UGT3A2: variants seen among roughly 807,000 people sequenced by gnomAD.
UGT3A2 encodes UDP glycosyltransferase family 3 member A2, also known as UDP-glycosyltransferase 3A2.
In UGT3A2, 32 loss-of-function variants were observed where a neutral mutation model predicts 39.8. The observed-to-expected ratio is 0.80, with a 90% confidence interval of 0.61 to 1.08. The LOEUF is 1.08. Among genes scored for constraint, UGT3A2 ranks in the 50% least tolerant of loss-of-function variants. UGT3A2 has a pLI of 0.00. For missense variants in UGT3A2, 611 were observed against 637.1 expected (o/e 0.96, Z 0.44); for synonymous variants, 241 against 230.7 (o/e 1.04, Z -0.40).
At chr5:36,045,608 A>AAAAAGAAAAGAAAAAGAAAAG (rs1321406006) in intron 4 of UGT3A2, among the ~76,000 whole-genome samples, 1 of 151,144 alleles carries the variant, frequency 6.6e-6, no homozygotes, top group Non-Finnish European at 1.5e-5. Flanking sequence ...CTCAAAAAAA[A>AAAAAGAAAAGAAAAAGAAAAG]AAAAGAAAAG....
At chr5:36,044,630 A>T (rs1288410880) in intron 4 of UGT3A2, among the ~76,000 whole-genome samples, 1 of 152,226 alleles carries the variant, frequency 6.6e-6, no homozygotes, top group Non-Finnish European at 1.5e-5. Context: ...AAATTCAGTA[A>T]AGTTGCAGGA....
intron 2 of UGT3A2, among the ~76,000 whole-genome samples, chr5:36,060,858 G>A (rs1742672263): frequency 6.6e-6 from 1 of 152,068 alleles, no homozygotes; most frequent in Non-Finnish European, 1.5e-5. Context: ...GCCTCTAAAC[G>A]GTACATTGGA....
chr5:36,051,815 C>A, intron 3 of UGT3A2, 55 bp downstream of exon 3: 1 of 1,274,010 alleles, frequency 7.8e-7, no homozygotes, highest in Non-Finnish European at 1.1e-6. Flanking sequence ...TCCATCCATC[C>A]ATTTGTATTA....
At chr5:36,037,745 G>C in intron 6 of UGT3A2, 52 bp downstream of exon 6, 1 of 1,594,000 alleles carries the variant, frequency 6.3e-7, no homozygotes, top group Non-Finnish European at 8.6e-7. Flanking sequence ...AGTGCCCTTA[G>C]TGTTTTTGCC....
chr5:36,055,943 T>C (rs1378879462), intron 2 of UGT3A2, among the ~76,000 whole-genome samples: 2 of 152,210 alleles, frequency 1.3e-5, no homozygotes, highest in Non-Finnish European at 2.9e-5. Context: ...TATCTTGTCC[T>C]ATCCATCTTT....
At chr5:36,064,993 C>T (rs529296647) in intron 1 of UGT3A2, among the ~76,000 whole-genome samples, 4 of 152,218 alleles carry the variant, frequency 2.6e-5, no homozygotes, top group Admixed American at 6.5e-5. Context: ...AACTGTGGGG[C>T]GCTTGGGGTG....
chr5:36,035,949 TG>T lies in UGT3A2; in HGVS notation c.1320del (p.Ser441ValfsTer80). The T allele has an allele frequency of 6.2e-7, 1 of 1,613,244 alleles. No individual in the cohort carries two copies. The highest frequency in any genetic ancestry group is 8.5e-7 in the Non-Finnish European group (1 of 1,179,738). On this transcript the variant is annotated frameshift_variant, in exon 7 of 7. Coordinates refer to ENST00000282507, the MANE Select transcript of UGT3A2 (RefSeq NM_174914.4). LOFTEE classifies it low-confidence loss of function (END_TRUNC). The stretch of plus-strand genomic sequence containing the variant: ...AGCGGGTGGGAGCGCAGGATGACAC[TG>T]GCAGCCACTGCCGCGGACTTGTATC... ...DKRYKSAAVA[A>X]SVILRSHPLS...
intron 4 of UGT3A2, among the ~76,000 whole-genome samples, chr5:36,041,009 C>T (rs1441031857): frequency 6.6e-6 from 1 of 152,182 alleles, no homozygotes; most frequent in African/African-American, 2.4e-5. Context: ...CACATCTAGG[C>T]CTTAGCTCCT....
chr5:36,062,399 C>T (rs1742734857), intron 2 of UGT3A2, among the ~76,000 whole-genome samples: 1 of 150,614 alleles, frequency 6.6e-6, no homozygotes, highest in South Asian at 2.1e-4. Context: ...GTCTTTAATC[C>T]ATCTTGAATT....
intron 2 of UGT3A2, among the ~76,000 whole-genome samples, chr5:36,057,517 T>TTCTC (rs148807603): frequency 0.02 from 3,051 of 149,790 alleles, 58 homozygotes; most frequent in Non-Finnish European, 0.026. Flanking sequence ...TTTCAGTAGT[T>TTCTC]TCTCTCTCTC....
intron 2 of UGT3A2, among the ~76,000 whole-genome samples, chr5:36,063,830 G>A (rs1035160928): frequency 1.3e-5 from 2 of 152,114 alleles, no homozygotes; most frequent in Admixed American, 1.3e-4. Flanking sequence ...GAGACAGAGT[G>A]TCCCTATGTT....
chr5:36,045,069 C>T (rs1352019219), intron 4 of UGT3A2, among the ~76,000 whole-genome samples: 1 of 152,136 alleles, frequency 6.6e-6, no homozygotes, highest in East Asian at 1.9e-4. Flanking sequence ...AATCACATTA[C>T]CTGACTTCAA....
intron 2 of UGT3A2, among the ~76,000 whole-genome samples, chr5:36,059,785 T>A (rs1385235275): frequency 6.6e-6 from 1 of 152,234 alleles, no homozygotes; most frequent in Non-Finnish European, 1.5e-5. Context: ...AGCAACAGCA[T>A]GCCTCCTGGC....
chr5:36,051,917 T>C lies in UGT3A2; in HGVS notation c.264A>G (p.Glu88=), dbSNP rs779394371. The change falls in exon 3 of 7, where the codon GAA becomes GAG. Residue 88 remains glutamate, a synonymous_variant. Transcript: ENST00000282507. ...SWLAPEDHQR[E]FKKSFDFFLE... is the part of the protein sequence containing the mutation. The stretch of plus-strand genomic sequence containing the variant: ...GAAAGAAATCAAAACTCTTTTTAAA[T>C]TCTCTTTGATGATCTTCAGGTGCAA... The C allele has an allele frequency of 1.9e-6, 3 of 1,594,340 alleles. No homozygotes were observed. Among genetic ancestry groups the C allele is most frequent in the Non-Finnish European group, 2.6e-6 (3 of 1,175,336 alleles).
rs1463311990 is a variant in UGT3A2, at chr5:36,035,666, C to A, written c.*32G>T. ...TCCCTAGAAATGGTGACATCGCCCA[C>A]CAAACAGACCCCGCCAAGGCTGCAC... On this transcript the variant is annotated 3_prime_UTR_variant, in exon 7 of 7. Transcript: ENST00000282507. 6.2e-7 allele frequency: 1 copy of A among 1,602,196 alleles called. No homozygotes were observed. The highest frequency in any genetic ancestry group is 2.2e-5 in the East Asian group (1 of 44,650).
rs1413319889 is a variant in UGT3A2, at chr5:36,039,559, A to G, written c.993T>C (p.Cys331=). ...CATCTTTGGGCCAATGAGAACACTG[A>G]CACTTCCATATCACCCCTTGGGGTA... The part of the protein sequence containing the change: ...AHLPQGVIWK[C]QCSHWPKDVH... The change falls in exon 5 of 7, where the codon TGT becomes TGC. Residue 331 remains cysteine (C), a synonymous_variant. Transcript: ENST00000282507. The G allele has an allele frequency of 6.2e-7, 1 of 1,614,134 alleles. No individual in the cohort carries two copies. Among genetic ancestry groups the G allele is most frequent in the African/African-American group, 1.3e-5 (1 of 75,036 alleles).
chr5:36,055,973 G>A (rs1037913299), intron 2 of UGT3A2, among the ~76,000 whole-genome samples: 2 of 151,920 alleles, frequency 1.3e-5, no homozygotes, highest in African/African-American at 4.8e-5. Flanking sequence ...TCCTTTGTTT[G>A]TTTCATTTCC....
At position 36,039,655 on chromosome 5, in the gene UGT3A2, G is replaced by A. The variant is rs753576345; in HGVS notation, c.897C>T (p.Thr299=). 1.5e-5 allele frequency: 25 copies of A among 1,614,080 alleles called. No homozygotes were observed. In the Admixed American group the frequency reaches 3.7e-4, roughly 24 times the overall value. The change falls in exon 5 of 7, where the codon ACC becomes ACT. Residue 299 remains threonine (T), a synonymous_variant. Transcript: ENST00000282507. ...GACAGGTGTTCACCATGGAGCCCAA[G>A]GTCACAAGGACAAAACCAGAGTCCC... is the stretch of plus-strand genomic sequence containing the variant. The part of the protein sequence containing the change: ...KFGDSGFVLV[T]LGSMVNTCQN...
chr5:36,061,390 C>T (rs1170063969), intron 2 of UGT3A2, among the ~76,000 whole-genome samples: 387 of 109,088 alleles, frequency 3.5e-3, no homozygotes, highest in African/African-American at 0.013. Context: ...TCCCTCCCCC[C>T]TCCCCCCACC....
Sources: gnomAD v4.1 joint callset for allele counts (sites outside exome capture counted in the v4.1 genomes callset) on GRCh38, gnomAD v4.1.1 for gene constraint, MANE v1.5 for transcripts, NCBI Gene and HGNC (gene_info 2026-07-23, HGNC 2026-07-21) for gene names.